CFAP77: variants seen among roughly 807,000 people sequenced by gnomAD.
CFAP77 encodes the protein cilia and flagella associated protein 77.
CFAP77 carries 25 observed loss-of-function variants against 31.1 expected under a neutral mutation model. The ratio of observed to expected loss-of-function variants is 0.80; its 90% CI spans 0.59 to 1.12. CFAP77 has a LOEUF of 1.12. CFAP77 is among the 50% of genes most tolerant of loss of function. The probability of loss-of-function intolerance (pLI) is 0.00; values close to 1 mark genes in which losing one functional copy is unlikely to be tolerated. For synonymous variants in CFAP77, 151 were observed against 159.9 expected, an observed-to-expected ratio of 0.94 and a Z score of 0.42; for missense variants, 377 against 397.3, an observed-to-expected ratio of 0.95 and a Z score of 0.44.
At chr9:132,549,612 TG>T (rs2119079267) in intron 5 of CFAP77, among the ~76,000 whole-genome samples, 2 of 151,912 alleles carry the variant, frequency 1.3e-5, no homozygotes, top group African/African-American at 4.8e-5. Flanking sequence ...CTGAGGCGGG[TG>T]GATCACCTGA....
chr9:132,454,076 AT>A (rs963285534), intron 1 of CFAP77, among the ~76,000 whole-genome samples: 91 of 152,032 alleles, frequency 6.0e-4, no homozygotes, highest in African/African-American at 2.0e-3. Flanking sequence ...ATCGGGGTTC[AT>A]TTTTTTTGTA....
At chr9:132,514,114 G>A (rs1381125293) in intron 3 of CFAP77, among the ~76,000 whole-genome samples, 1 of 108,752 alleles carries the variant, frequency 9.2e-6, no homozygotes, top group Non-Finnish European at 1.9e-5. Context: ...CCTGAACACA[G>A]GTGACAGTGA....
chr9:132,494,101 G>A (rs1223153175), intron 1 of CFAP77, among the ~76,000 whole-genome samples: 3 of 152,126 alleles, frequency 2.0e-5, no homozygotes, highest in Non-Finnish European at 2.9e-5. Flanking sequence ...TTGTAGAGAT[G>A]GGGTTTTGCT....
chr9:132,538,125 G>GA (rs748895040), intron 4 of CFAP77, among the ~76,000 whole-genome samples: 8 of 152,214 alleles, frequency 5.3e-5, no homozygotes, highest in South Asian at 2.1e-4. Context: ...AGGCAAAGTT[G>GA]AAAAGGAAAC....
At chr9:132,504,180 T>C (rs543079161) in intron 3 of CFAP77, among the ~76,000 whole-genome samples, 1 of 152,370 alleles carries the variant, frequency 6.6e-6, no homozygotes, top group African/African-American at 2.4e-5. Flanking sequence ...ATTTGTTAAC[T>C]GAGCCAGTTC....
intron 3 of CFAP77, among the ~76,000 whole-genome samples, chr9:132,531,299 G>A (rs569644979): frequency 5.9e-5 from 9 of 152,230 alleles, no homozygotes; most frequent in South Asian, 4.1e-4. Flanking sequence ...AACCATACCC[G>A]CCCTCGTGAT....
At position 132,558,594 on chromosome 9, in the gene CFAP77, AC is replaced by A. The variant is rs575168138; in HGVS notation, c.733-13793del. Among the ~76,000 whole-genome samples, 157 of 151,834 alleles carry A rather than the reference AC, an allele frequency of 1.0e-3. 1 individual carries two copies. The highest frequency in any genetic ancestry group is 6.6e-4 in the Non-Finnish European group (45 of 67,942). On this transcript the variant is annotated intron_variant, in intron 5 of 5. Coordinates refer to ENST00000393216, the MANE Select transcript of CFAP77 (RefSeq NM_001282957.2). ...GTGGCAGGCGCCTGTAATCCCAGCT[AC>A]TCAGGAGGCTGAGGCAGGAGAATCA...
chr9:132,504,458 G>A (rs183610817), intron 3 of CFAP77, among the ~76,000 whole-genome samples: 3 of 152,320 alleles, frequency 2.0e-5, no homozygotes, highest in Admixed American at 6.5e-5. Context: ...ATGGTAAATG[G>A]GCTTTGCATA....
chr9:132,492,315 A>G (rs117819359), intron 1 of CFAP77, among the ~76,000 whole-genome samples: 4 of 152,280 alleles, frequency 2.6e-5, no homozygotes, highest in Non-Finnish European at 5.9e-5. Flanking sequence ...AAAACAAAAA[A>G]CAAAACAACA....
At chr9:132,464,446 A>G (rs1439311955) in intron 1 of CFAP77, among the ~76,000 whole-genome samples, 1 of 152,168 alleles carries the variant, frequency 6.6e-6, no homozygotes, top group East Asian at 1.9e-4. Flanking sequence ...GCACAGGCCC[A>G]AAGGGTAACA....
chr9:132,410,617 C>T, intron 1 of CFAP77, 151 bp downstream of exon 1: 1 of 642,478 alleles, frequency 1.6e-6, no homozygotes, highest in Non-Finnish European at 2.5e-6. Flanking sequence ...GGCCTGGACC[C>T]CCATGCAGGT....
chr9:132,566,663 C>G (rs1385388114), intron 5 of CFAP77, among the ~76,000 whole-genome samples: 2 of 152,138 alleles, frequency 1.3e-5, no homozygotes, highest in Non-Finnish European at 2.9e-5. Flanking sequence ...TCTAAAGGGC[C>G]CATCCCACCT....
chr9:132,470,714 G>A (rs1172844682), intron 1 of CFAP77, among the ~76,000 whole-genome samples: 1 of 152,246 alleles, frequency 6.6e-6, no homozygotes, highest in East Asian at 1.9e-4. Context: ...CCGTTTAAAA[G>A]ATTATTTAAT....
rs145803109 is a variant in CFAP77 at position 132,549,577 on chromosome 9, C to A, written c.732+6530C>A. The stretch of plus-strand genomic sequence containing the variant: ...GCTTGGCCGGGCACAGTGGCTCATG[C>A]CTGCAATCCCAGCACTTTGGGAGGC... On this transcript the variant is annotated intron_variant, in intron 5 of 5. Transcript: ENST00000393216. 3.5e-3 allele frequency among the ~76,000 whole-genome samples: 533 copies of A among 152,296 alleles called. 2 individuals are homozygous for A. The highest frequency in any genetic ancestry group is 0.034 in the Middle Eastern group (10 of 294).
chr9:132,550,171 C>T (rs1438979115), intron 5 of CFAP77, among the ~76,000 whole-genome samples: 1 of 152,224 alleles, frequency 6.6e-6, no homozygotes, highest in Non-Finnish European at 1.5e-5. Context: ...TGGGAACCCC[C>T]AGCCTGGCTG....
At chr9:132,524,209 C>A (rs1490065553) in intron 3 of CFAP77, among the ~76,000 whole-genome samples, 1 of 151,884 alleles carries the variant, frequency 6.6e-6, no homozygotes, top group Admixed American at 6.6e-5. Flanking sequence ...CTCCTTGTCT[C>A]GGTTTGTGAT....
At chr9:132,533,397 C>T (rs910392052) in intron 3 of CFAP77, among the ~76,000 whole-genome samples, 4 of 152,070 alleles carry the variant, frequency 2.6e-5, no homozygotes, top group Non-Finnish European at 4.4e-5. Flanking sequence ...GGAAATGATT[C>T]TCTCACAATT....
At chr9:132,468,288 G>A (rs572173356) in intron 1 of CFAP77, among the ~76,000 whole-genome samples, 133 of 152,172 alleles carry the variant, frequency 8.7e-4, no homozygotes, top group Non-Finnish European at 1.7e-3. Context: ...CGAGGCTGCA[G>A]CGAGCCGAGG....
chr9:132,431,400 C>T (rs1850409087), intron 1 of CFAP77, among the ~76,000 whole-genome samples: 2 of 152,186 alleles, frequency 1.3e-5, no homozygotes, highest in African/African-American at 4.8e-5. Context: ...AAATATGACT[C>T]ACTCTCAAGT....
Sources: gnomAD v4.1 joint callset for allele counts (sites outside exome capture counted in the v4.1 genomes callset) on GRCh38, gnomAD v4.1.1 for gene constraint, MANE v1.5 for transcripts, NCBI Gene and HGNC (gene_info 2026-07-23, HGNC 2026-07-21) for gene names.